ROBO2: variants seen among roughly 807,000 people sequenced by gnomAD.
ROBO2 encodes roundabout homolog 2.
In ROBO2, 53 loss-of-function variants were observed where a neutral mutation model predicts 160.8. The ratio of observed to expected loss-of-function variants is 0.33; its 90% confidence interval spans 0.26 to 0.41. ROBO2 has a LOEUF of 0.41. ROBO2 is among the 10% of genes least tolerant of loss of function. The pLI, the probability that ROBO2 is intolerant of heterozygous loss-of-function variation, is 1.00. For missense variants in ROBO2, 1,577 were observed against 1,722.4 expected (o/e 0.92, Z 1.49); for synonymous variants, 664 against 611.7 (o/e 1.09, Z -1.26).
intron 20 of ROBO2, among the ~76,000 whole-genome samples, chr3:77,605,188 T>G (rs1194083029): frequency 6.7e-6 from 1 of 148,860 alleles, no homozygotes; most frequent in Non-Finnish European, 1.5e-5. Flanking sequence ...AGTATATATA[T>G]AGTATATATA....
chr3:76,524,826 T>TAAAAAAAAAAAAAAAA (rs58091252), intron 2 of ROBO2, among the ~76,000 whole-genome samples: 6 of 21,718 alleles, frequency 2.8e-4, no homozygotes, highest in South Asian at 2.4e-3. Context: ...CTCTTATTCC[T>TAAAAAAAAAAAAAAAA]AAAAAAAAAA....
intron 2 of ROBO2, among the ~76,000 whole-genome samples, chr3:76,941,190 C>T (rs1265878307): frequency 1.3e-5 from 2 of 152,056 alleles, no homozygotes; most frequent in Non-Finnish European, 2.9e-5. Flanking sequence ...CTTTCATCTC[C>T]TTATTTCAAG....
At chr3:77,499,395 G>T (rs560274560) in intron 5 of ROBO2, among the ~76,000 whole-genome samples, 1 of 152,082 alleles carries the variant, frequency 6.6e-6, no homozygotes, top group East Asian at 1.9e-4. Context: ...CTAACTCAAA[G>T]GGCTATTAAA....
chr3:76,048,680 C>T (rs2067535981), intron 2 of ROBO2, among the ~76,000 whole-genome samples: 1 of 152,104 alleles, frequency 6.6e-6, no homozygotes, highest in Admixed American at 6.5e-5. Flanking sequence ...AACCTATGAT[C>T]CATCCATTTG....
intron 2 of ROBO2, among the ~76,000 whole-genome samples, chr3:77,348,621 C>T (rs918979344): frequency 5.9e-5 from 9 of 152,170 alleles, no homozygotes; most frequent in African/African-American, 1.7e-4. Context: ...CTTGTTCACA[C>T]GCCTCTGACA....
chr3:76,364,867 A>C (rs977385712), intron 2 of ROBO2, among the ~76,000 whole-genome samples: 1 of 152,056 alleles, frequency 6.6e-6, no homozygotes, highest in Admixed American at 6.6e-5. Flanking sequence ...AGGGAGGGCA[A>C]CCTACGGTGT....
chr3:76,854,795 T>C (rs2069861847), intron 2 of ROBO2, among the ~76,000 whole-genome samples: 1 of 152,156 alleles, frequency 6.6e-6, no homozygotes, highest in African/African-American at 2.4e-5. Context: ...AAATATGTAT[T>C]TTTTTAAATC....
At chr3:76,571,488 A>C (rs2084954493) in intron 2 of ROBO2, among the ~76,000 whole-genome samples, 1 of 152,146 alleles carries the variant, frequency 6.6e-6, no homozygotes, top group Non-Finnish European at 1.5e-5. Context: ...GAAACAAACC[A>C]GTAGTTAACT....
chr3:76,303,901 G>C (rs1044228444), intron 2 of ROBO2, among the ~76,000 whole-genome samples: 1 of 152,144 alleles, frequency 6.6e-6, no homozygotes, highest in African/African-American at 2.4e-5. Context: ...GTGATACTCA[G>C]GTGCTGCAGG....
chr3:76,224,893 A>G (rs1704190749), intron 2 of ROBO2, among the ~76,000 whole-genome samples: 2 of 152,258 alleles, frequency 1.3e-5, no homozygotes, highest in East Asian at 1.9e-4. Context: ...CCCTTCCCTG[A>G]CCAGGAAAGT....
intron 2 of ROBO2, among the ~76,000 whole-genome samples, chr3:76,975,057 G>A (rs983201705): frequency 3.9e-5 from 6 of 152,160 alleles, no homozygotes; most frequent in Non-Finnish European, 8.8e-5. Context: ...TGTATCTTAT[G>A]TTACATGTAA....
chr3:77,209,768 G>T (rs1197821350), intron 2 of ROBO2, among the ~76,000 whole-genome samples: 2 of 152,118 alleles, frequency 1.3e-5, no homozygotes, highest in Non-Finnish European at 2.9e-5. Flanking sequence ...GCTGGTCCAA[G>T]GATGAATGTC....
intron 2 of ROBO2, among the ~76,000 whole-genome samples, chr3:77,127,469 GA>G (rs2075447840): frequency 6.6e-6 from 1 of 151,968 alleles, no homozygotes; most frequent in African/African-American, 2.4e-5. Flanking sequence ...TTTTCACCAT[GA>G]ATTCTAAAAT....
chr3:76,275,980 T>C (rs900551000), intron 2 of ROBO2, among the ~76,000 whole-genome samples: 5 of 151,986 alleles, frequency 3.3e-5, no homozygotes, highest in African/African-American at 1.2e-4. Flanking sequence ...TAATTAAAAA[T>C]CAAATATACA....
Position 76,128,514 on chromosome 3 carries a change from A to G in ROBO2, c.109+190912A>G, listed in dbSNP as rs141501729. On this transcript the variant is annotated intron_variant, in intron 2 of 26. Coordinates refer to the ROBO2 transcript ENST00000487694. ...AACCTTTTAGGAAATGATCTTGCCT[A>G]GCTGAAAAGATAAGATATTTAATAA... 4.4e-4 allele frequency among the ~76,000 whole-genome samples: 67 copies of G among 152,252 alleles called. 1 individual carries two copies. The East Asian group carries it at 0.012, about 27-fold the overall frequency.
intron 24 of ROBO2, 87 bp downstream of exon 26, chr3:77,643,030 C>A: frequency 2.4e-6 from 1 of 414,214 alleles, no homozygotes; most frequent in East Asian, 7.1e-5. Context: ...TGTTTAAGGG[C>A]ATCTGAAAAA....
chr3:76,994,514 A>G (rs1337319362), intron 2 of ROBO2, among the ~76,000 whole-genome samples: 1 of 152,194 alleles, frequency 6.6e-6, no homozygotes, highest in Non-Finnish European at 1.5e-5. Flanking sequence ...TAATAATAAA[A>G]CATTTGTCTT....
chr3:77,622,643 A>G (rs2094926196), intron 23 of ROBO2, among the ~76,000 whole-genome samples: 1 of 152,230 alleles, frequency 6.6e-6, no homozygotes, highest in African/African-American at 2.4e-5. Flanking sequence ...AATTTTAAAA[A>G]GCTTTAAAGA....
Position 76,433,835 on chromosome 3 carries a change from A to T in ROBO2, c.109+496233A>T, listed in dbSNP as rs535458978. On this transcript the variant is annotated intron_variant, in intron 2 of 26. Transcript: ENST00000487694. ...AGGTTTTAGAAATCCTTAAACCTTA[A>T]AGACATAATTGCTACTTTAGAATTC... Among the ~76,000 whole-genome samples the T allele has an allele frequency of 2.0e-5, 3 of 152,358 alleles. No homozygotes were observed. The East Asian group carries it at 5.8e-4, about 29-fold the overall frequency.
Sources: allele counts gnomAD v4.1 joint callset (sites outside exome capture counted in the v4.1 genomes callset), GRCh38; gene constraint gnomAD v4.1.1; transcripts MANE v1.5; gene names NCBI Gene and HGNC (gene_info 2026-07-23, HGNC 2026-07-21).